Variants in TSC2 observed in about 807,000 individuals in gnomAD.
The protein encoded by TSC2 is tuberin.
Under a neutral mutation model 202.2 loss-of-function variants are expected in TSC2, and 29 were observed. The observed-to-expected ratio is 0.14, with a 90% CI of 0.11 to 0.20. The LOEUF is 0.20. TSC2 is among the 10% of genes least tolerant of loss of function. The probability of loss-of-function intolerance (pLI) is 1.00; values close to 1 mark genes in which losing one functional copy is unlikely to be tolerated. For synonymous variants in TSC2, 1,349 were observed against 1,044.0 expected, an observed-to-expected ratio of 1.29 and a Z score of -5.63; for missense variants, 2,429 against 2,420.0, an observed-to-expected ratio of 1.00 and a Z score of -0.08.
intron 8 of TSC2, 87 bp downstream of exon 8, chr16:2,056,856 A>G (rs2085914746): frequency 6.3e-7 from 1 of 1,590,202 alleles, no homozygotes; most frequent in Non-Finnish European, 8.5e-7. Flanking sequence ...TGGTTGTCTG[A>G]TTCTTGGGGT....
Position 2,056,258 on chromosome 16 carries a change from C to T in TSC2, c.648+14C>T, listed in dbSNP as rs941595244. ...GTGGACATAGAGGTCAGTGCCTCCCCTCCCCAGGGCCGGCCCATTTCACCC... is the reference window on the plus strand; with the variant it reads ...GTGGACATAGAGGTCAGTGCCTCCCTTCCCCAGGGCCGGCCCATTTCACCC... On this transcript the variant is annotated intron_variant, in intron 7 of 41. Transcript: ENST00000219476. 4.3e-6 allele frequency: 7 copies of T among 1,613,860 alleles called. No individual in the cohort carries two copies. The African/African-American group carries it at 8.0e-5, about 18-fold the overall frequency.
At chr16:2,053,225 C>G in intron 3 of TSC2, 117 bp from the exon 4 acceptor site, 1 of 1,008,936 alleles carries the variant, frequency 9.9e-7, no homozygotes, top group Non-Finnish European at 1.5e-6. Flanking sequence ...AGGTGGGGCT[C>G]TCAGTCACAA....
chr16:2,086,894 G>C (rs1342083840), intron 38 of TSC2, 23 bp downstream of exon 38: 15 of 1,564,314 alleles, frequency 9.6e-6, no homozygotes, highest in Non-Finnish European at 1.2e-5. Context: ...CCGTCAGTGA[G>C]GCTGGGCCCC....
At position 2,084,337 on chromosome 16, in the gene TSC2, T is replaced by C. The variant is rs1300203299; in HGVS notation, c.4115T>C (p.Val1372Ala). 6.2e-7 allele frequency: 1 copy of C among 1,612,588 alleles called. No individual in the cohort carries two copies. Among genetic ancestry groups the C allele is most frequent in the Admixed American group, 1.7e-5 (1 of 59,998 alleles). Residue 1372 changes from valine (V) to alanine (A), a missense_variant, in exon 34 of 42, where the codon GTG (valine) becomes GCG (alanine). Physicochemically the swap from Val to Ala is moderately conservative, Grantham distance 64 (BLOSUM62 0). Coordinates refer to ENST00000219476, the MANE Select transcript of TSC2 (RefSeq NM_000548.5). ...TCCTCGGAGGGTGGCCGGCCCTCTG[T>C]GGACCTCTCCTTCCAGCCCTCGCAG... ...VVSSEGGRPS[V>A]DLSFQPSQPL...
In TSC2 at chr16:2,083,338, C is replaced by T. The variant is rs1040869656; in HGVS notation, c.3884-357C>T. 8 of 460,950 alleles carry T rather than the reference C, an allele frequency of 1.7e-5. 1 individual carries two copies. The highest frequency in any genetic ancestry group is 5.9e-5 in the African/African-American group (3 of 51,064). 28.6% of individuals were successfully genotyped at this position (460,950 alleles called of 1,614,324 possible). ...GAGTCTCCGCAGCTCTCCTCGGTTA[C>T]GAGGGCTGGTTTCAGGCTCCCGCTC... On this transcript the variant is annotated intron_variant, in intron 32 of 41. Transcript: ENST00000219476.
intron 10 of TSC2, among the ~76,000 whole-genome samples, chr16:2,060,006 C>T (rs1567420161): frequency 6.6e-6 from 1 of 152,168 alleles, no homozygotes; most frequent in Admixed American, 6.5e-5. Flanking sequence ...CGAGTTTCAC[C>T]TTCTGGAGTT....
At position 2,081,371 on chromosome 16, in the gene TSC2, G is replaced by A. The variant is rs576336358; in HGVS notation, c.3611-224G>A. The A allele has an allele frequency of 4.4e-5, 27 of 612,370 alleles. 1 individual carries two copies. Among genetic ancestry groups the A allele is most frequent in the South Asian group, 1.1e-4 (6 of 53,946 alleles). 37.9% of individuals were successfully genotyped at this position (612,370 alleles called of 1,614,324 possible). On this transcript the variant is annotated intron_variant, in intron 30 of 41. Coordinates refer to ENST00000219476, the MANE Select transcript of TSC2 (RefSeq NM_000548.5). ...ACTGTGAGGCTGTGGGCTGGAGGCCGCTGCTCTGAGGTGCCTGGCGGAGCC... is the reference window on the plus strand; with the variant it reads ...ACTGTGAGGCTGTGGGCTGGAGGCCACTGCTCTGAGGTGCCTGGCGGAGCC...
intron 5 of TSC2, 110 bp from the exon 6 acceptor site, chr16:2,055,291 TG>T: frequency 1.2e-6 from 1 of 854,924 alleles, no homozygotes; most frequent in Non-Finnish European, 2.0e-6. Flanking sequence ...GGACTGATGA[TG>T]GGGTTTCTGG....
intron 16 of TSC2, 124 bp downstream of exon 16, chr16:2,065,759 G>A (rs1003130106): frequency 2.3e-6 from 2 of 874,940 alleles, no homozygotes; most frequent in African/African-American, 3.3e-5. Context: ...TTTGCTGAGG[G>A]TGCGGTGGTC....
chr16:2,072,707 C>G (rs2088657638), intron 20 of TSC2, 142 bp from the exon 21 acceptor site: 7 of 1,403,838 alleles, frequency 5.0e-6, no homozygotes, highest in Non-Finnish European at 6.9e-6. Flanking sequence ...AAGGGAGGCC[C>G]TTCCTGGGAG....
intron 10 of TSC2, among the ~76,000 whole-genome samples, chr16:2,060,202 C>T (rs2086457222): frequency 1.3e-5 from 2 of 152,240 alleles, no homozygotes; most frequent in Admixed American, 1.3e-4. Flanking sequence ...TCGTTCTGTG[C>T]TCACAGCTCC....
At position 2,088,791 on chromosome 16, in the gene TSC2, CCACAGAAGTGGTA is replaced by C. The variant is rs2091255284; in HGVS notation, c.*190_*202del. ...GTCGAGGCTCTAGAAGCGGCCATGC[CCACAGAAGTGGTA>C]CACAGAAGCAGGCACAGCCAGCTCC... On this transcript the variant is annotated 3_prime_UTR_variant, in exon 42 of 42. Coordinates refer to ENST00000219476, the MANE Select transcript of TSC2 (RefSeq NM_000548.5). The C allele has an allele frequency of 8.5e-6, 7 of 821,536 alleles. No homozygotes were observed. Among genetic ancestry groups the C allele is most frequent in the South Asian group, 3.6e-5 (2 of 55,902 alleles). The allele number at this position is 821,536 out of a possible 1,614,324, so 50.9% of individuals were successfully genotyped here. A position where few individuals can be genotyped will look rare whatever the true frequency, so the allele number is the denominator to read the frequency against.
In TSC2 at chr16:2,088,548, T is replaced by C. The variant is rs904411432; in HGVS notation, c.5362T>C (p.Tyr1788His). The change falls in exon 42 of 42, where the codon TAT (tyrosine) becomes CAT (histidine). Residue 1788 changes from tyrosine to histidine, a missense_variant. By Grantham distance (83) the Tyr-to-His change is moderately conservative. Coordinates refer to ENST00000219476, the MANE Select transcript of TSC2 (RefSeq NM_000548.5). ...AQTPAEPTPG[Y>H]EVGQRKRLIS... The stretch of plus-strand genomic sequence containing the variant: ...GACTCCAGCCGAGCCCACACCTGGC[T>C]ATGAGGTGGGCCAGCGGAAGCGCCT... 1.2e-6 allele frequency: 2 copies of C among 1,611,772 alleles called. No homozygotes were observed. The highest frequency in any genetic ancestry group is 3.3e-5 in the Admixed American group (2 of 59,992).
chr16:2,065,667 G>C, intron 16 of TSC2, 32 bp downstream of exon 16: 1 of 1,580,556 alleles, frequency 6.3e-7, no homozygotes, highest in Non-Finnish European at 8.7e-7. Context: ...TCTGCTCCCG[G>C]GGCGCGCATG....
At chr16:2,052,979 T>G (rs1355334901) in intron 3 of TSC2, among the ~76,000 whole-genome samples, 1 of 152,162 alleles carries the variant, frequency 6.6e-6, no homozygotes, top group Non-Finnish European at 1.5e-5. Flanking sequence ...CACTTGTGGT[T>G]CTGAGACTGT....
chr16:2,066,722 G>A (rs976968049), intron 16 of TSC2, among the ~76,000 whole-genome samples: 16 of 142,292 alleles, frequency 1.1e-4, no homozygotes, highest in East Asian at 4.2e-4. Context: ...GTGCAGTGGC[G>A]CGATCTTGGC....
At chr16:2,048,845 G>C in intron 2 of TSC2, 92 bp downstream of exon 2, 1 of 1,558,942 alleles carries the variant, frequency 6.4e-7, no homozygotes, top group East Asian at 2.2e-5. Flanking sequence ...GAGACGGGTT[G>C]CTGGCAACTG....
intron 11 of TSC2, chr16:2,061,021 A>G (rs1038385585): frequency 1.5e-6 from 1 of 655,566 alleles, no homozygotes; most frequent in Admixed American, 2.5e-5. Context: ...TTTAGGCCCC[A>G]GACAGGAATA....
chr16:2,057,403 C>T (rs2086006108), intron 9 of TSC2, among the ~76,000 whole-genome samples: 1 of 152,194 alleles, frequency 6.6e-6, no homozygotes, highest in African/African-American at 2.4e-5. Flanking sequence ...TCAGTGCCTG[C>T]CCCATGCTCG....
Sources: gnomAD v4.1 joint callset for allele counts (sites outside exome capture counted in the v4.1 genomes callset) on GRCh38, gnomAD v4.1.1 for gene constraint, MANE v1.5 for transcripts, NCBI Gene and HGNC (gene_info 2026-07-23, HGNC 2026-07-21) for gene names.